Variants in SLC24A3 observed in about 807,000 individuals in gnomAD.
SLC24A3 encodes the protein solute carrier family 24 member 3, also known as sodium/potassium/calcium exchanger 3.
Under a neutral mutation model 75.8 loss-of-function variants are expected in SLC24A3, and 28 were observed. That is an observed-to-expected ratio of 0.37 (90% confidence interval 0.27 to 0.51). The LOEUF (loss-of-function observed/expected upper bound fraction) is 0.51. Among genes scored for constraint, SLC24A3 ranks in the 20% least tolerant of loss-of-function variants. The probability of loss-of-function intolerance (pLI) is 0.94; values close to 1 mark genes in which losing one functional copy is unlikely to be tolerated. For synonymous variants in SLC24A3, 372 were observed against 334.1 expected (o/e 1.11, Z -1.24); for missense variants, 663 against 847.8 (o/e 0.78, Z 2.71).
chr20:19,278,554 C>T (rs1020337160), intron 1 of SLC24A3, among the ~76,000 whole-genome samples: 1 of 152,154 alleles, frequency 6.6e-6, no homozygotes, highest in Non-Finnish European at 1.5e-5. Flanking sequence ...GGTTTTGAAA[C>T]TTTTTTGTCT....
chr20:19,459,053 T>C (rs945380355), intron 2 of SLC24A3, among the ~76,000 whole-genome samples: 1 of 152,166 alleles, frequency 6.6e-6, no homozygotes, highest in African/African-American at 2.4e-5. Flanking sequence ...CCTGGGATCA[T>C]TGAAATATTC....
intron 6 of SLC24A3, among the ~76,000 whole-genome samples, chr20:19,645,453 TC>T (rs1290627419): frequency 1.3e-5 from 2 of 152,112 alleles, no homozygotes; most frequent in Admixed American, 6.5e-5. Context: ...AGTGGTTGGG[TC>T]TAAGGACAAT....
chr20:19,579,984 A>G lies in SLC24A3; in HGVS notation c.349-16A>G. 6.2e-7 allele frequency: 1 copy of G among 1,604,338 alleles called. No homozygotes were observed. Among genetic ancestry groups the G allele is most frequent in the Non-Finnish European group, 8.5e-7 (1 of 1,171,956 alleles). On this transcript the variant is annotated splice_polypyrimidine_tract_variant and intron_variant, in intron 3 of 16. Transcript: ENST00000328041. ...CCTCACTCTAACTTTAACCCCTTTT[A>G]TCTCCTCTCTTCCAGGCCATATACA...
At chr20:19,646,922 G>A (rs1236413461) in intron 6 of SLC24A3, among the ~76,000 whole-genome samples, 2 of 151,454 alleles carry the variant, frequency 1.3e-5, no homozygotes, top group African/African-American at 4.9e-5. Flanking sequence ...TTTTTGGTTA[G>A]ACAGTCCTCA....
At chr20:19,422,548 A>C (rs1362422908) in intron 2 of SLC24A3, among the ~76,000 whole-genome samples, 2 of 152,158 alleles carry the variant, frequency 1.3e-5, no homozygotes, top group African/African-American at 4.8e-5. Flanking sequence ...TTTGTTGAAA[A>C]TGCTGACGGT....
At chr20:19,496,985 C>T (rs1988298949) in intron 2 of SLC24A3, among the ~76,000 whole-genome samples, 1 of 152,232 alleles carries the variant, frequency 6.6e-6, no homozygotes, top group Non-Finnish European at 1.5e-5. Context: ...GTATCAACTC[C>T]TTCTGCCTTC....
rs549521721 is a variant in SLC24A3, at chr20:19,487,042, T to C, written c.272-28446T>C. On this transcript the variant is annotated intron_variant, in intron 2 of 16. Transcript: ENST00000328041. ...AGGTCCTTGAACACAGTTATTTAAA[T>C]GCCTTAAACCTCAGCCTGTTTGTTT... 4.6e-4 allele frequency among the ~76,000 whole-genome samples: 70 copies of C among 152,350 alleles called. 1 individual carries two copies. Among genetic ancestry groups the C allele is most frequent in the African/African-American group, 1.7e-3 (69 of 41,588 alleles).
At chr20:19,233,714 A>C (rs1049680830) in intron 1 of SLC24A3, among the ~76,000 whole-genome samples, 2 of 152,236 alleles carry the variant, frequency 1.3e-5, no homozygotes, top group African/African-American at 2.4e-5. Context: ...GCATCTTTGT[A>C]GTTCCTGTCA....
At chr20:19,307,204 TATC>T (rs1384695357) in intron 2 of SLC24A3, among the ~76,000 whole-genome samples, 1 of 152,246 alleles carries the variant, frequency 6.6e-6, no homozygotes, top group Non-Finnish European at 1.5e-5. Context: ...ATTACTGTGT[TATC>T]ATGAAGAGTA....
intron 3 of SLC24A3, among the ~76,000 whole-genome samples, chr20:19,540,189 A>C (rs2030470841): frequency 6.6e-6 from 1 of 152,182 alleles, no homozygotes; most frequent in African/African-American, 2.4e-5. Context: ...ACTTCGGGAT[A>C]TGATGTTCTG....
intron 3 of SLC24A3, among the ~76,000 whole-genome samples, chr20:19,552,147 C>A (rs116080190): frequency 0.011 from 1,688 of 152,210 alleles, 35 homozygotes; most frequent in African/African-American, 0.038. Flanking sequence ...TATTTCTGTC[C>A]CCTTAAAAAA....
chr20:19,697,239 A>G lies in SLC24A3; in HGVS notation c.1606+328A>G, dbSNP rs550605607. Among the ~76,000 whole-genome samples the G allele has an allele frequency of 6.6e-5, 10 of 152,222 alleles. No individual in the cohort carries two copies. In the East Asian group the frequency reaches 1.5e-3, roughly 24 times the overall value. The stretch of plus-strand genomic sequence containing the variant: ...GGTCCTACCCTTGAGGAAAGCAAAG[A>G]CATTTCCTAGGTAGCACCCATAGCC... On this transcript the variant is annotated intron_variant, in intron 14 of 16. Transcript: ENST00000328041.
intron 10 of SLC24A3, among the ~76,000 whole-genome samples, chr20:19,683,460 C>G (rs544123095): frequency 6.6e-6 from 1 of 152,168 alleles, no homozygotes; most frequent in Non-Finnish European, 1.5e-5. Context: ...GGTGAACTAT[C>G]ACACAAGATT....
chr20:19,226,774 A>C, intron 1 of SLC24A3, among the ~76,000 whole-genome samples: 1 of 152,210 alleles, frequency 6.6e-6, no homozygotes, highest in Admixed American at 6.5e-5. Flanking sequence ...TCAAGGTCAC[A>C]AAGTTTCTAT....
intron 3 of SLC24A3, among the ~76,000 whole-genome samples, chr20:19,542,150 C>T (rs1471312114): frequency 6.6e-6 from 1 of 152,152 alleles, no homozygotes; most frequent in Non-Finnish European, 1.5e-5. Flanking sequence ...AGGAAACACA[C>T]TTAAGTTGAT....
At chr20:19,336,467 C>A (rs1985137401) in intron 2 of SLC24A3, among the ~76,000 whole-genome samples, 1 of 151,954 alleles carries the variant, frequency 6.6e-6, no homozygotes, top group Non-Finnish European at 1.5e-5. Context: ...CTCACTGCAA[C>A]CTCCGCCTCC....
chr20:19,304,019 C>T (rs982816750), intron 2 of SLC24A3, among the ~76,000 whole-genome samples: 1 of 152,174 alleles, frequency 6.6e-6, no homozygotes, highest in African/African-American at 2.4e-5. Flanking sequence ...GGATCCAAAA[C>T]TAACAAATCC....
At chr20:19,416,303 C>A (rs1986826194) in intron 2 of SLC24A3, among the ~76,000 whole-genome samples, 1 of 152,236 alleles carries the variant, frequency 6.6e-6, no homozygotes, top group South Asian at 2.1e-4. Flanking sequence ...AGCCCAGATT[C>A]CGATTCAGGA....
At chr20:19,586,648 TC>T (rs2031301146) in intron 6 of SLC24A3, among the ~76,000 whole-genome samples, 3 of 152,126 alleles carry the variant, frequency 2.0e-5, no homozygotes. Context: ...ACCATTGCAT[TC>T]TCCACTGCCC....
Sources: gnomAD v4.1 joint callset for allele counts (sites outside exome capture counted in the v4.1 genomes callset) on GRCh38, gnomAD v4.1.1 for gene constraint, MANE v1.5 for transcripts, NCBI Gene and HGNC (gene_info 2026-07-23, HGNC 2026-07-21) for gene names.